The following ZNF385B variants were observed in gnomAD, a reference collection of about 807,000 sequenced individuals.
ZNF385B encodes the protein zinc finger protein 533.
In ZNF385B, 23 loss-of-function variants were observed where a neutral mutation model predicts 39.2. That is an observed-to-expected ratio of 0.59 (90% CI 0.42 to 0.83). ZNF385B has a LOEUF of 0.83. Among genes scored for constraint, ZNF385B ranks in the 40% least tolerant of loss-of-function variants. The probability of loss-of-function intolerance (pLI) is 0.00; values close to 1 mark genes in which losing one functional copy is unlikely to be tolerated. For synonymous variants in ZNF385B, 205 were observed against 222.6 expected (o/e 0.92, Z 0.70); for missense variants, 552 against 598.9 (o/e 0.92, Z 0.82).
At chr2:179,729,236 GGTAAAAACGAAACACA>G (rs1701226436) in intron 3 of ZNF385B, among the ~76,000 whole-genome samples, 1 of 151,254 alleles carries the variant, frequency 6.6e-6, no homozygotes, top group South Asian at 2.1e-4. Context: ...GAAAGACACA[GGTAAAAACGAAACACA>G]GTTAGAGCTG....
intron 1 of ZNF385B, among the ~76,000 whole-genome samples, chr2:179,796,583 A>G (rs1705679648): frequency 6.6e-6 from 1 of 152,196 alleles, no homozygotes; most frequent in South Asian, 2.1e-4. Context: ...GGGAAGGGAA[A>G]CAGCTCGCCT....
At chr2:179,761,465 T>C (rs182796458) in intron 3 of ZNF385B, among the ~76,000 whole-genome samples, 1 of 151,938 alleles carries the variant, frequency 6.6e-6, no homozygotes, top group Admixed American at 6.5e-5. Flanking sequence ...ATCCTACACA[T>C]GTTTTTTAAA....
At chr2:179,445,011 T>C in intron 8 of ZNF385B, 34 bp from the exon 9 acceptor site, 2 of 1,566,336 alleles carry the variant, frequency 1.3e-6, no homozygotes, top group East Asian at 2.2e-5. Context: ...TGGACTGAAA[T>C]GTGAGTCTTA....
At chr2:179,798,543 T>C (rs1254248833) in intron 1 of ZNF385B, among the ~76,000 whole-genome samples, 3 of 152,154 alleles carry the variant, frequency 2.0e-5, no homozygotes, top group Non-Finnish European at 4.4e-5. Flanking sequence ...CCTTCTCCAA[T>C]GCCCAAAATT....
chr2:179,712,498 ATCT>A (rs777386339), intron 3 of ZNF385B, among the ~76,000 whole-genome samples: 12 of 152,066 alleles, frequency 7.9e-5, no homozygotes, highest in South Asian at 2.1e-4. Context: ...CATGGCTCTC[ATCT>A]TCTTCTTCAA....
chr2:179,564,518 T>C (rs528956323), intron 3 of ZNF385B, among the ~76,000 whole-genome samples: 41 of 152,270 alleles, frequency 2.7e-4, no homozygotes, highest in Middle Eastern at 6.8e-3. Flanking sequence ...GAAACAAAAC[T>C]TGCTCCATTC....
chr2:179,843,231 C>A (rs1002703794), intron 1 of ZNF385B, among the ~76,000 whole-genome samples: 1 of 152,128 alleles, frequency 6.6e-6, no homozygotes, highest in Admixed American at 6.5e-5. Context: ...TTCCTTTCTG[C>A]AACACAACTC....
At chr2:179,614,145 C>G (rs872161) in intron 3 of ZNF385B, among the ~76,000 whole-genome samples, 5,632 of 150,894 alleles carry the variant, frequency 0.037, 146 homozygotes, top group Middle Eastern at 0.066. Context: ...CTCTTCAGTG[C>G]CTCTTTCAGT....
chr2:179,582,952 C>T (rs150084751), intron 3 of ZNF385B, among the ~76,000 whole-genome samples: 42 of 152,272 alleles, frequency 2.8e-4, no homozygotes, highest in Admixed American at 4.6e-4. Flanking sequence ...TGGGTTCAAG[C>T]GATTCTCCTG....
chr2:179,553,070 T>C (rs370026508), intron 3 of ZNF385B, among the ~76,000 whole-genome samples: 1 of 149,024 alleles, frequency 6.7e-6, no homozygotes, highest in African/African-American at 2.5e-5. Context: ...AATTCTGCTT[T>C]TCACTACCAT....
chr2:179,712,868 T>C (rs568708002), intron 3 of ZNF385B, among the ~76,000 whole-genome samples: 87 of 152,306 alleles, frequency 5.7e-4, no homozygotes, highest in South Asian at 8.3e-4. Context: ...TTAGACTTTG[T>C]TATGGTGTAA....
intron 9 of ZNF385B, among the ~76,000 whole-genome samples, chr2:179,444,287 G>A (rs2049251470): frequency 6.6e-6 from 1 of 152,176 alleles, no homozygotes; most frequent in South Asian, 2.1e-4. Context: ...CAGTCCCAGG[G>A]AGATTGTGAA....
At chr2:179,734,668 A>C (rs967710168) in intron 3 of ZNF385B, among the ~76,000 whole-genome samples, 3 of 152,250 alleles carry the variant, frequency 2.0e-5, no homozygotes. Context: ...ACATATTTAA[A>C]GACTCAAGAC....
In ZNF385B at chr2:179,769,668, T is replaced by C; in HGVS notation, c.133A>G (p.Lys45Glu). The change falls in exon 3 of 10, where the codon AAA becomes GAA. Residue 45 changes from lysine to glutamate, a missense_variant. By Grantham distance (56) the Lys-to-Glu change is moderately conservative. Coordinates refer to ENST00000410066, the MANE Select transcript of ZNF385B (RefSeq NM_152520.6). ...PEDQLSKEKK[K>E]ILFSFCEVCN... ...ACCTCACAGAAGGAGAAAAGAATTT[T>C]CTTTTTCTCTTTGCTCAACTGGTCC... is the stretch of plus-strand genomic sequence containing the variant. 6.2e-7 allele frequency: 1 copy of C among 1,614,208 alleles called. No individual in the cohort carries two copies. Among genetic ancestry groups the C allele is most frequent in the South Asian group, 1.1e-5 (1 of 91,080 alleles).
intron 1 of ZNF385B, among the ~76,000 whole-genome samples, chr2:179,789,149 A>T (rs1705177934): frequency 1.3e-5 from 2 of 152,056 alleles, no homozygotes; most frequent in African/African-American, 4.8e-5. Context: ...ACTTAATTCT[A>T]TTATAGAAAA....
At position 179,519,106 on chromosome 2, in the gene ZNF385B, G is replaced by A. The variant is rs185427404; in HGVS notation, c.442-468C>T. On this transcript the variant is annotated intron_variant, in intron 4 of 9. Transcript: ENST00000410066. The stretch of plus-strand genomic sequence containing the variant: ...AGTGATCCTCTTGTTTCAGCCGCCC[G>A]AGTAGCTGGGACTACAGGCATGTGC... Among the ~76,000 whole-genome samples, 13 of 152,264 alleles carry A rather than the reference G, an allele frequency of 8.5e-5. No individual in the cohort carries two copies. The East Asian group carries it at 1.9e-3, about 23-fold the overall frequency.
intron 3 of ZNF385B, among the ~76,000 whole-genome samples, chr2:179,645,196 C>T (rs946020385): frequency 1.1e-4 from 16 of 152,154 alleles, no homozygotes; most frequent in African/African-American, 2.4e-4. Context: ...TGGCTCAGCA[C>T]GGCAGCTGGA....
intron 6 of ZNF385B, among the ~76,000 whole-genome samples, chr2:179,462,649 A>G (rs1296130285): frequency 6.6e-6 from 1 of 152,192 alleles, no homozygotes; most frequent in Non-Finnish European, 1.5e-5. Flanking sequence ...TCTCTGCAAA[A>G]TAAAATGTTG....
chr2:179,718,787 T>C (rs1700493580), intron 3 of ZNF385B, among the ~76,000 whole-genome samples: 1 of 150,050 alleles, frequency 6.7e-6, no homozygotes, highest in African/African-American at 2.4e-5. Flanking sequence ...AGGCTAGGAG[T>C]TCGAGAACAG....
Sources: allele counts gnomAD v4.1 joint callset (sites outside exome capture counted in the v4.1 genomes callset), GRCh38; gene constraint gnomAD v4.1.1; transcripts MANE v1.5; gene names NCBI Gene and HGNC (gene_info 2026-07-23, HGNC 2026-07-21).